Variants in WWTR1 observed in about 807,000 individuals in gnomAD.
WWTR1 encodes WW domain containing transcription regulator 1, also known as WW domain-containing transcription regulator protein 1.
WWTR1 carries 13 observed loss-of-function variants against 40.1 expected under a neutral mutation model. The observed-to-expected ratio is 0.32, with a 90% CI of 0.21 to 0.52. WWTR1 has a LOEUF of 0.52. Ranked by LOEUF, WWTR1 falls within the 20% of genes least tolerant of loss-of-function variation. The pLI is 0.97. For missense variants in WWTR1, 436 were observed against 523.1 expected, an observed-to-expected ratio of 0.83 and a Z score of 1.63; for synonymous variants, 230 against 210.1, an observed-to-expected ratio of 1.09 and a Z score of -0.82.
intron 2 of WWTR1, 50 bp downstream of exon 2, chr3:149,656,826 C>A: frequency 5.4e-6 from 8 of 1,475,168 alleles, no homozygotes; most frequent in Non-Finnish European, 7.2e-6. Flanking sequence ...AACACACGCG[C>A]GCGTTGGGCA....
At chr3:149,533,776 T>C (rs1379593409) in intron 4 of WWTR1, among the ~76,000 whole-genome samples, 1 of 151,832 alleles carries the variant, frequency 6.6e-6, no homozygotes, top group Non-Finnish European at 1.5e-5. Flanking sequence ...AAAAAGGTGG[T>C]TTATAAGACT....
intron 2 of WWTR1, among the ~76,000 whole-genome samples, chr3:149,642,131 ACGAATGTGGCCGGG>A (rs898560524): frequency 1.3e-5 from 2 of 152,206 alleles, no homozygotes; most frequent in Non-Finnish European, 2.9e-5. Context: ...GTTAAAATGT[ACGAATGTGGCCGGG>A]CGTGGTGGCT....
chr3:149,647,472 T>G (rs973792050), intron 2 of WWTR1, among the ~76,000 whole-genome samples: 2 of 152,170 alleles, frequency 1.3e-5, no homozygotes, highest in Non-Finnish European at 2.9e-5. Flanking sequence ...TGTCTGTGTC[T>G]AGTTGATCAG....
intron 3 of WWTR1, among the ~76,000 whole-genome samples, chr3:149,554,173 G>A (rs1736726057): frequency 6.6e-6 from 1 of 152,086 alleles, no homozygotes; most frequent in Non-Finnish European, 1.5e-5. Context: ...CCAATTCTGG[G>A]TGAGAATAAC....
intron 2 of WWTR1, among the ~76,000 whole-genome samples, chr3:149,667,091 T>C (rs953864129): frequency 7.9e-5 from 12 of 152,326 alleles, no homozygotes; most frequent in African/African-American, 2.9e-4. Flanking sequence ...ACCCTGATTA[T>C]TGGAGCGCTT....
At chr3:149,607,858 TA>T in intron 2 of WWTR1, among the ~76,000 whole-genome samples, 1 of 152,228 alleles carries the variant, frequency 6.6e-6, no homozygotes, top group African/African-American at 2.4e-5. Flanking sequence ...TCCCAAGAGA[TA>T]ACTGAAACAA....
chr3:149,532,175 G>C (rs1015104800), intron 4 of WWTR1, among the ~76,000 whole-genome samples: 1 of 152,154 alleles, frequency 6.6e-6, no homozygotes, highest in Non-Finnish European at 1.5e-5. Flanking sequence ...ATGATAAAAC[G>C]GGATAACACT....
At chr3:149,697,905 C>A (rs1715043677) in intron 1 of WWTR1, among the ~76,000 whole-genome samples, 1 of 152,206 alleles carries the variant, frequency 6.6e-6, no homozygotes, top group Admixed American at 6.5e-5. Flanking sequence ...TAGGCCCATG[C>A]AGGTCTGGAA....
intron 1 of WWTR1, among the ~76,000 whole-genome samples, chr3:149,699,208 G>T (rs561152964): frequency 6.6e-6 from 1 of 151,916 alleles, no homozygotes; most frequent in African/African-American, 2.4e-5. Flanking sequence ...GCATCTGATT[G>T]TGGGTGATTA....
At chr3:149,564,541 C>T (rs1027285260) in intron 3 of WWTR1, among the ~76,000 whole-genome samples, 11 of 149,468 alleles carry the variant, frequency 7.4e-5, no homozygotes, top group African/African-American at 2.7e-4. Flanking sequence ...AACCGCATTA[C>T]AGAGAAAATA....
At chr3:149,569,982 C>CT (rs1354283855) in intron 3 of WWTR1, among the ~76,000 whole-genome samples, 1 of 152,170 alleles carries the variant, frequency 6.6e-6, no homozygotes, top group Non-Finnish European at 1.5e-5. Context: ...CAGCTCTGCT[C>CT]TTTTTATTTT....
At chr3:149,573,026 T>G in intron 2 of WWTR1, 26 bp from the exon 3 acceptor site, 1 of 1,569,768 alleles carries the variant, frequency 6.4e-7, no homozygotes, top group South Asian at 1.2e-5. Flanking sequence ...CAATTAATTA[T>G]CTTTTTAATT....
chr3:149,648,014 T>C (rs545262863), intron 2 of WWTR1, among the ~76,000 whole-genome samples: 4 of 152,324 alleles, frequency 2.6e-5, no homozygotes, highest in African/African-American at 9.6e-5. Context: ...TCAGCATTTC[T>C]GCCTCTATAC....
chr3:149,572,554 G>A (rs941596939), intron 3 of WWTR1, among the ~76,000 whole-genome samples: 1 of 152,094 alleles, frequency 6.6e-6, no homozygotes, highest in African/African-American at 2.4e-5. Context: ...GCCGGCAGAA[G>A]GGTAACACGG....
intron 2 of WWTR1, among the ~76,000 whole-genome samples, chr3:149,591,044 G>T (rs1282990069): frequency 2.0e-5 from 3 of 147,896 alleles, no homozygotes; most frequent in African/African-American, 7.5e-5. Flanking sequence ...GGCATATCCT[G>T]TCAAGAAAAG....
chr3:149,534,863 A>AATAGCTGAAG (rs1735751915), intron 4 of WWTR1, among the ~76,000 whole-genome samples: 1 of 152,190 alleles, frequency 6.6e-6, no homozygotes, highest in African/African-American at 2.4e-5. Flanking sequence ...TGATGTGTAA[A>AATAGCTGAAG]ATAGCTGAAG....
intron 3 of WWTR1, among the ~76,000 whole-genome samples, chr3:149,545,772 C>A (rs1307661402): frequency 6.6e-6 from 1 of 152,254 alleles, no homozygotes; most frequent in African/African-American, 2.4e-5. Flanking sequence ...CCACCTGCCT[C>A]AGCCTCCCAA....
chr3:149,707,149 C>T (rs1199021288), upstream of WWTR1, among the ~76,000 whole-genome samples: 2 of 152,050 alleles, frequency 1.3e-5, no homozygotes, highest in Non-Finnish European at 2.9e-5. Flanking sequence ...ATTAGTTATG[C>T]AAATGGAAAA....
chr3:149,560,545 C>T (rs1193839168), intron 3 of WWTR1, among the ~76,000 whole-genome samples: 2 of 152,114 alleles, frequency 1.3e-5, no homozygotes, highest in South Asian at 2.1e-4. Flanking sequence ...GCAGTTGATA[C>T]GGCAGAAATT....
Sources: gnomAD v4.1 joint callset for allele counts (sites outside exome capture counted in the v4.1 genomes callset) on GRCh38, gnomAD v4.1.1 for gene constraint, MANE v1.5 for transcripts, NCBI Gene and HGNC (gene_info 2026-07-23, HGNC 2026-07-21) for gene names.